MTHFD1L: variants seen among roughly 807,000 people sequenced by gnomAD.
The protein encoded by MTHFD1L is monofunctional C1-tetrahydrofolate synthase, mitochondrial.
A neutral mutation model predicts 119.5 loss-of-function variants in MTHFD1L; 81 were observed. The ratio of observed to expected loss-of-function variants is 0.68; its 90% CI spans 0.57 to 0.82. MTHFD1L has a LOEUF of 0.82. Among genes scored for constraint, MTHFD1L ranks in the 40% least tolerant of loss-of-function variants. The pLI is 0.00. For synonymous variants in MTHFD1L, 430 were observed against 475.2 expected (o/e 0.90, Z 1.24); for missense variants, 1,125 against 1,253.4 (o/e 0.90, Z 1.55).
intron 19 of MTHFD1L, among the ~76,000 whole-genome samples, chr6:150,965,702 G>T (rs117400976): frequency 0.025 from 3,709 of 151,192 alleles, 61 homozygotes; most frequent in Non-Finnish European, 0.038. Context: ...CATTTCAATA[G>T]GTTGTATGGC....
In MTHFD1L at chr6:151,093,509, T is replaced by G. The variant is rs367985056; in HGVS notation, c.*31+922T>G. ...CCGTCTCTACTAAAAATACGAAAAT[T>G]AGCTGGGCGTGTTGGTGGGCACCTG... On this transcript the variant is annotated intron_variant, in intron 27 of 27. Transcript: ENST00000367321. Among the ~76,000 whole-genome samples the G allele has an allele frequency of 7.6e-4, 116 of 151,960 alleles. 1 individual carries two copies. The highest frequency in any genetic ancestry group is 2.6e-3 in the African/African-American group (107 of 41,456).
chr6:150,995,981 T>C (rs767641794), intron 20 of MTHFD1L, among the ~76,000 whole-genome samples: 2 of 152,106 alleles, frequency 1.3e-5, no homozygotes, highest in Non-Finnish European at 2.9e-5. Context: ...TAATAATATA[T>C]TAATTTGATA....
chr6:151,048,953 G>C (rs548967405), intron 26 of MTHFD1L, among the ~76,000 whole-genome samples: 1 of 152,314 alleles, frequency 6.6e-6, no homozygotes, highest in African/African-American at 2.4e-5. Flanking sequence ...TCTACCTGGA[G>C]ATGGTGTCGG....
At chr6:151,032,875 T>G (rs1365521397) in intron 24 of MTHFD1L, among the ~76,000 whole-genome samples, 1 of 152,198 alleles carries the variant, frequency 6.6e-6, no homozygotes, top group Non-Finnish European at 1.5e-5. Flanking sequence ...AAAACACGTT[T>G]TAAAGCAGTT....
At chr6:151,053,859 CAA>C (rs202176337) in intron 26 of MTHFD1L, among the ~76,000 whole-genome samples, 4,501 of 75,450 alleles carry the variant, frequency 0.06, 121 homozygotes, top group Admixed American at 0.18. Flanking sequence ...GACTCCATCT[CAA>C]AAAAAAAAAA....
intron 8 of MTHFD1L, 74 bp from the exon 9 acceptor site, chr6:150,918,503 G>A: frequency 2.0e-6 from 2 of 1,021,430 alleles, no homozygotes; most frequent in East Asian, 2.4e-5. Flanking sequence ...CAGTGTGCTA[G>A]CTGTTTACAA....
intron 9 of MTHFD1L, among the ~76,000 whole-genome samples, chr6:150,920,767 A>G (rs942943508): frequency 6.8e-5 from 10 of 146,604 alleles, no homozygotes; most frequent in Middle Eastern, 3.2e-3. Flanking sequence ...CACTTAATCT[A>G]TTTATTTATT....
chr6:150,946,972 G>A (rs1271518602), intron 15 of MTHFD1L, among the ~76,000 whole-genome samples: 1 of 151,590 alleles, frequency 6.6e-6, no homozygotes, highest in African/African-American at 2.4e-5. Context: ...CTTCTCGGGA[G>A]GCTGGGGCAG....
intron 20 of MTHFD1L, among the ~76,000 whole-genome samples, chr6:151,004,987 T>G (rs1781188291): frequency 6.6e-6 from 1 of 152,230 alleles, no homozygotes; most frequent in East Asian, 1.9e-4. Context: ...GCTTCATGAC[T>G]TAAGAACAAG....
At chr6:151,097,298 A>C (rs1794963485) in intron 27 of MTHFD1L, among the ~76,000 whole-genome samples, 1 of 152,232 alleles carries the variant, frequency 6.6e-6, no homozygotes, top group Non-Finnish European at 1.5e-5. Context: ...TTTTTCTTGA[A>C]TTACATACAC....
Position 150,944,468 on chromosome 6 carries a change from G to A in MTHFD1L, c.1441-18G>A, listed in dbSNP as rs756674968. 6.4e-7 allele frequency: 1 copy of A among 1,568,814 alleles called. No individual in the cohort carries two copies. The stretch of plus-strand genomic sequence containing the variant: ...ATTTCTGAAAATAAATAAATAGAAA[G>A]ATATCTTATTTCTCTAGTTCAACCT... On this transcript the variant is annotated intron_variant, in intron 13 of 27. Coordinates refer to ENST00000367321, the MANE Select transcript of MTHFD1L (RefSeq NM_015440.5).
chr6:151,092,630 C>A, intron 27 of MTHFD1L, 43 bp downstream of exon 27: 1 of 1,223,918 alleles, frequency 8.2e-7, no homozygotes, highest in Middle Eastern at 1.9e-4. Context: ...TGTTTTTTTC[C>A]AGTTCATATC....
chr6:151,093,023 C>T (rs1187285928), intron 27 of MTHFD1L, among the ~76,000 whole-genome samples: 4 of 152,154 alleles, frequency 2.6e-5, no homozygotes, highest in African/African-American at 9.7e-5. Flanking sequence ...TTGGTGTATC[C>T]GTTTCCTGGG....
intron 4 of MTHFD1L, among the ~76,000 whole-genome samples, chr6:150,880,590 C>T (rs1246134492): frequency 3.9e-5 from 6 of 152,198 alleles, no homozygotes; most frequent in Non-Finnish European, 7.3e-5. Flanking sequence ...CTCAGCATAG[C>T]GGTTTCAGTT....
At chr6:150,979,647 C>T (rs1189486347) in intron 20 of MTHFD1L, among the ~76,000 whole-genome samples, 4 of 152,018 alleles carry the variant, frequency 2.6e-5, no homozygotes, top group Admixed American at 1.3e-4. Context: ...ATTACAGGCA[C>T]GCACCACCAT....
Position 150,882,883 on chromosome 6 carries a change from A to G in MTHFD1L, c.539A>G (p.Asp180Gly). ...LNALKPEKDV[D>G]GVTDINLGKL... ...GCCTTGAAACCAGAAAAAGATGTGG[A>G]TGGGTAAGAAAATAAAATCAAATAA... The change falls in exon 5 of 28, where the codon GAT (aspartate) becomes GGT (glycine). Residue 180 changes from aspartate to glycine, a missense_variant. Coordinates refer to ENST00000367321, the MANE Select transcript of MTHFD1L (RefSeq NM_015440.5). 6.4e-7 allele frequency: 1 copy of G among 1,566,044 alleles called. No individual in the cohort carries two copies. Among genetic ancestry groups the G allele is most frequent in the Non-Finnish European group, 8.6e-7 (1 of 1,166,118 alleles).
intron 26 of MTHFD1L, among the ~76,000 whole-genome samples, chr6:151,089,920 C>A (rs1374795530): frequency 6.6e-6 from 1 of 152,216 alleles, no homozygotes; most frequent in Non-Finnish European, 1.5e-5. Flanking sequence ...TCCCCACCTA[C>A]AAGCAGGTCT....
chr6:151,099,545 T>C (rs1350942335), intron 27 of MTHFD1L: 10 of 1,603,556 alleles, frequency 6.2e-6, no homozygotes, highest in East Asian at 4.5e-5. Context: ...CTCAGACCCC[T>C]TGTGAAGCCC....
At chr6:151,068,731 G>A (rs1791593907) in intron 26 of MTHFD1L, among the ~76,000 whole-genome samples, 1 of 152,164 alleles carries the variant, frequency 6.6e-6, no homozygotes, top group Non-Finnish European at 1.5e-5. Flanking sequence ...ACTTAAGACA[G>A]TTAAACTTGA....
Sources: gnomAD v4.1 joint callset for allele counts (sites outside exome capture counted in the v4.1 genomes callset) on GRCh38, gnomAD v4.1.1 for gene constraint, MANE v1.5 for transcripts, NCBI Gene and HGNC (gene_info 2026-07-23, HGNC 2026-07-21) for gene names.